Variants in RPAP2 observed in about 807,000 individuals in gnomAD.
RPAP2 encodes RNA polymerase II associated protein 2.
A neutral mutation model predicts 73.1 loss-of-function variants in RPAP2; 52 were observed. The observed-to-expected ratio is 0.71, with a 90% confidence interval of 0.57 to 0.90. RPAP2 has a LOEUF of 0.90. Ranked by LOEUF, RPAP2 falls within the 40% of genes least tolerant of loss-of-function variation. The pLI is 0.00. For synonymous variants in RPAP2, 225 were observed against 242.1 expected, an observed-to-expected ratio of 0.93 and a Z score of 0.65; for missense variants, 598 against 701.8, an observed-to-expected ratio of 0.85 and a Z score of 1.67.
At chr1:92,326,302 C>G (rs1557603294) in intron 8 of RPAP2, among the ~76,000 whole-genome samples, 1 of 152,132 alleles carries the variant, frequency 6.6e-6, no homozygotes, top group Non-Finnish European at 1.5e-5. Context: ...CTTGGATAAT[C>G]TCTTAGGTCA....
intron 9 of RPAP2, among the ~76,000 whole-genome samples, chr1:92,334,664 AT>A (rs1259614244): frequency 2.0e-5 from 3 of 152,066 alleles, no homozygotes; most frequent in Non-Finnish European, 4.4e-5. Context: ...CCTGGGCAGC[AT>A]AGTAAGACCA....
At position 92,390,923 on chromosome 1, in the gene RPAP2, A is replaced by T. The variant is rs542312847; in HGVS notation, c.*3912A>T. The T allele has an allele frequency of 1.3e-5, 2 of 152,330 alleles. No homozygotes were observed. The highest frequency in any genetic ancestry group is 3.9e-4 in the East Asian group (2 of 5,192). The allele number at this position is 152,330 out of a possible 1,614,324, so 9.4% of individuals were successfully genotyped here. On this transcript the variant is annotated 3_prime_UTR_variant, in exon 13 of 13. Coordinates refer to ENST00000610020, the MANE Select transcript of RPAP2 (RefSeq NM_024813.3). ...GTTCTACAAAGAGATTTAGACTCCC[A>T]CACAATATTAATGGGTGACTTTAAC...
At chr1:92,374,200 G>A (rs1023724952) in intron 11 of RPAP2, among the ~76,000 whole-genome samples, 5 of 152,180 alleles carry the variant, frequency 3.3e-5, no homozygotes, top group African/African-American at 9.7e-5. Context: ...TCAGGGGTAG[G>A]AGAAAAACCA....
rs777868633 is a variant in RPAP2, at chr1:92,299,073, C to A, written c.-1C>A. 3.3e-6 allele frequency: 5 copies of A among 1,504,574 alleles called. No individual in the cohort carries two copies. Among genetic ancestry groups the A allele is most frequent in the Admixed American group, 2.1e-5 (1 of 46,722 alleles). 93.2% of individuals were successfully genotyped at this position (1,504,574 alleles called of 1,614,324 possible). The stretch of plus-strand genomic sequence containing the variant: ...CCCCGTCCGGCAGACTACTCTCCCC[C>A]ATGGCGGACTTCGCTGGGCCGTCTT... On this transcript the variant is annotated 5_prime_UTR_variant, in exon 1 of 13. Transcript: ENST00000610020.
At chr1:92,307,507 A>G (rs571197506) in intron 6 of RPAP2, among the ~76,000 whole-genome samples, 27 of 152,310 alleles carry the variant, frequency 1.8e-4, no homozygotes, top group Middle Eastern at 3.4e-3. Flanking sequence ...TAATTGCAAA[A>G]TCAGAACTTT....
At chr1:92,363,801 C>A in intron 11 of RPAP2, 1 of 274,690 alleles carries the variant, frequency 3.6e-6, no homozygotes, top group Non-Finnish European at 7.2e-6. Flanking sequence ...TTATGATTTG[C>A]TTAACATTTT....
At chr1:92,300,932 T>C (rs921501907) in intron 2 of RPAP2, among the ~76,000 whole-genome samples, 2 of 152,188 alleles carry the variant, frequency 1.3e-5, no homozygotes, top group African/African-American at 2.4e-5. Flanking sequence ...CATAAACAAA[T>C]ACATAATTAC....
At chr1:92,355,057 C>T (rs1187640677) in intron 11 of RPAP2, among the ~76,000 whole-genome samples, 1 of 151,880 alleles carries the variant, frequency 6.6e-6, no homozygotes, top group Non-Finnish European at 1.5e-5. Flanking sequence ...TGCTACCATA[C>T]CCAGCTAATT....
intron 11 of RPAP2, among the ~76,000 whole-genome samples, chr1:92,346,500 G>A (rs1653910196): frequency 6.6e-6 from 1 of 151,972 alleles, no homozygotes; most frequent in South Asian, 2.1e-4. Context: ...ATCCTCATGT[G>A]GAGTATATAC....
intron 6 of RPAP2, among the ~76,000 whole-genome samples, chr1:92,311,686 G>A (rs1337183019): frequency 2.0e-5 from 3 of 152,170 alleles, no homozygotes; most frequent in Non-Finnish European, 4.4e-5. Flanking sequence ...GGCATATCTT[G>A]GAGATATTGC....
intron 11 of RPAP2, among the ~76,000 whole-genome samples, chr1:92,367,042 G>A (rs190917974): frequency 5.3e-5 from 8 of 152,284 alleles, no homozygotes; most frequent in Admixed American, 5.2e-4. Context: ...AAATATTGGG[G>A]CTTGATAGAT....
At chr1:92,332,135 A>C (rs1295834265) in intron 8 of RPAP2, among the ~76,000 whole-genome samples, 2 of 150,476 alleles carry the variant, frequency 1.3e-5, no homozygotes, top group Non-Finnish European at 3.0e-5. Context: ...TGTATCTTGT[A>C]GGTCTCTTAA....
Position 92,399,381 on chromosome 1 carries a change from T to G in RPAP2, c.*12370T>G, listed in dbSNP as rs1388683112. 6.6e-6 allele frequency: 1 copy of G among 152,084 alleles called. No homozygotes were observed. Among genetic ancestry groups the G allele is most frequent in the African/African-American group, 2.4e-5 (1 of 41,414 alleles). The allele number at this position is 152,084 out of a possible 1,614,324, so 9.4% of individuals were successfully genotyped here. On this transcript the variant is annotated 3_prime_UTR_variant, in exon 13 of 13. Transcript: ENST00000610020. ...TTAAAGAAAGTGGAAGCTGGTTCTT[T>G]TCTGGGTGACCCTTCACCCAACCAA...
At chr1:92,369,166 A>T (rs1037534223) in intron 11 of RPAP2, among the ~76,000 whole-genome samples, 4 of 152,228 alleles carry the variant, frequency 2.6e-5, no homozygotes, top group Admixed American at 2.0e-4. Flanking sequence ...TTCTCTGCTG[A>T]TTATTTTAAT....
chr1:92,326,918 C>T (rs61185080), intron 8 of RPAP2, among the ~76,000 whole-genome samples: 5,638 of 152,314 alleles, frequency 0.037, 268 homozygotes, highest in African/African-American at 0.11. Flanking sequence ...CATCTCCCAG[C>T]CTGTGGAGTC....
At chr1:92,344,602 T>C (rs1360313592) in intron 10 of RPAP2, among the ~76,000 whole-genome samples, 1 of 152,178 alleles carries the variant, frequency 6.6e-6, no homozygotes, top group Non-Finnish European at 1.5e-5. Flanking sequence ...AGTGAGAGTA[T>C]TTTTAGGCTT....
At chr1:92,322,944 T>G (rs2101174504) in intron 7 of RPAP2, among the ~76,000 whole-genome samples, 1 of 147,600 alleles carries the variant, frequency 6.8e-6, no homozygotes. Flanking sequence ...ACTTTATATA[T>G]TATATATAAT....
At chr1:92,383,699 T>C (rs1655747410) in intron 12 of RPAP2, among the ~76,000 whole-genome samples, 1 of 151,774 alleles carries the variant, frequency 6.6e-6, no homozygotes, top group Non-Finnish European at 1.5e-5. Context: ...TATACAATCA[T>C]GTCATCTGCA....
chr1:92,357,704 G>A (rs1025038564), intron 11 of RPAP2, among the ~76,000 whole-genome samples: 2 of 152,146 alleles, frequency 1.3e-5, no homozygotes, highest in Admixed American at 6.5e-5. Flanking sequence ...GCTAATTTTT[G>A]TATTTTTAAT....
Sources: gnomAD v4.1 joint callset for allele counts (sites outside exome capture counted in the v4.1 genomes callset) on GRCh38, gnomAD v4.1.1 for gene constraint, MANE v1.5 for transcripts, NCBI Gene and HGNC (gene_info 2026-07-23, HGNC 2026-07-21) for gene names.